The following PCDH11X variants were observed in gnomAD, a reference collection of about 807,000 sequenced individuals.
PCDH11X encodes the protein protocadherin 11 X-linked.
Under a neutral mutation model 53.3 loss-of-function variants are expected in PCDH11X, and 18 were observed. The observed-to-expected ratio is 0.34, with a 90% CI of 0.23 to 0.50. The LOEUF is 0.50. Among genes scored for constraint, PCDH11X ranks in the 20% least tolerant of loss-of-function variants. PCDH11X has a pLI of 0.98. For synonymous variants in PCDH11X, 279 were observed against 393.3 expected (o/e 0.71, Z 3.44); for missense variants, 570 against 1,032.4 (o/e 0.55, Z 6.14).
intron 8 of PCDH11X, among the ~76,000 whole-genome samples, chrX:92,329,968 C>T (rs2069424341): frequency 9.1e-6 from 1 of 110,340 alleles, no homozygotes; most frequent in African/African-American, 3.3e-5. Context: ...TTACAAATAA[C>T]TAAAAGAGTA....
chrX:92,336,129 TAAAA>T (rs1212836490), intron 8 of PCDH11X, among the ~76,000 whole-genome samples: 4 of 111,222 alleles, frequency 3.6e-5, no homozygotes, highest in East Asian at 2.8e-4. Context: ...TAGAAAAAAA[TAAAA>T]AAAGGAAGTT....
intron 6 of PCDH11X, among the ~76,000 whole-genome samples, chrX:91,931,155 TGTGTCGTGTGC>T (rs2147838823): frequency 9.6e-6 from 1 of 103,670 alleles, no homozygotes; most frequent in East Asian, 3.3e-4. Flanking sequence ...TGTGTGTGTG[TGTGTCGTGTGC>T]GTGTGTGTGT....
At chrX:92,331,935 T>C (rs1455110150) in intron 8 of PCDH11X, among the ~76,000 whole-genome samples, 1 of 111,811 alleles carries the variant, frequency 8.9e-6, no homozygotes, top group African/African-American at 3.2e-5. Context: ...TCAATAACCC[T>C]ATTTTCCATC....
chrX:92,065,709 A>G (rs1242476711), intron 6 of PCDH11X, among the ~76,000 whole-genome samples: 7 of 109,697 alleles, frequency 6.4e-5, no homozygotes, highest in Non-Finnish European at 1.3e-4. Context: ...GGATTGTTAG[A>G]TTTTTTTTCC....
chrX:92,147,980 C>CTTTCTTT (rs1569388717), intron 6 of PCDH11X, among the ~76,000 whole-genome samples: 1 of 78,581 alleles, frequency 1.3e-5, no homozygotes, highest in African/African-American at 7.3e-5. Context: ...TTCCTTCCTT[C>CTTTCTTT]CTTCCTTTCT....
At chrX:91,915,646 C>T (rs747894087) in intron 6 of PCDH11X, among the ~76,000 whole-genome samples, 3 of 111,009 alleles carry the variant, frequency 2.7e-5, no homozygotes, top group African/African-American at 6.5e-5. Context: ...ATACCACAAT[C>T]GTATATACGC....
chrX:92,182,750 A>G (rs868665833), intron 6 of PCDH11X, among the ~76,000 whole-genome samples: 8 of 111,606 alleles, frequency 7.2e-5, no homozygotes, highest in South Asian at 7.6e-4. Flanking sequence ...GCTGTCCACC[A>G]TGATTGAGGC....
intron 6 of PCDH11X, among the ~76,000 whole-genome samples, chrX:92,015,872 G>C (rs1376939884): frequency 9.0e-6 from 1 of 111,639 alleles, no homozygotes; most frequent in South Asian, 3.7e-4. Flanking sequence ...ATCTTTTTCA[G>C]AACCATTTCC....
intron 6 of PCDH11X, among the ~76,000 whole-genome samples, chrX:92,034,251 A>G: frequency 9.0e-6 from 1 of 111,676 alleles, no homozygotes; most frequent in East Asian, 2.8e-4. Flanking sequence ...TTCTGTAAAT[A>G]TCTATTAGGT....
At chrX:91,784,515 G>T (rs1264952872) in intron 1 of PCDH11X, among the ~76,000 whole-genome samples, 2 of 111,547 alleles carry the variant, frequency 1.8e-5, no homozygotes, top group East Asian at 5.7e-4. Flanking sequence ...GTCCTGGGGA[G>T]ACCCCCACTC....
intron 8 of PCDH11X, among the ~76,000 whole-genome samples, chrX:92,357,658 T>C (rs1464292055): frequency 9.2e-6 from 1 of 109,136 alleles, no homozygotes; most frequent in African/African-American, 3.3e-5. Flanking sequence ...GATATTGGAC[T>C]TCCCAGACTC....
intron 8 of PCDH11X, among the ~76,000 whole-genome samples, chrX:92,329,007 C>T (rs1472842029): frequency 9.0e-6 from 1 of 110,608 alleles, no homozygotes; most frequent in African/African-American, 3.3e-5. Context: ...CACCAATATC[C>T]TTTATGAATA....
chrX:91,790,571 A>T (rs1935498206), intron 1 of PCDH11X, among the ~76,000 whole-genome samples: 1 of 112,214 alleles, frequency 8.9e-6, no homozygotes. Context: ...CAACAGCAAC[A>T]ACGAAAGACA....
In PCDH11X at chrX:91,970,293, T is replaced by G. The variant is rs779039021; in HGVS notation, c.3033+91020T>G. On this transcript the variant is annotated intron_variant, in intron 6 of 10. Coordinates refer to ENST00000682573, the MANE Select transcript of PCDH11X (RefSeq NM_032968.5). ...GCCACTTCTGGCGAGGGTGGCCTGCTTTTATTCCCTTATTTGGCCCCACCC... is the reference window on the plus strand; with the variant it reads ...GCCACTTCTGGCGAGGGTGGCCTGCGTTTATTCCCTTATTTGGCCCCACCC... Among the ~76,000 whole-genome samples, 303 of 111,551 alleles carry G rather than the reference T, an allele frequency of 2.7e-3. 3 individuals are homozygous for G. The highest frequency in any genetic ancestry group is 9.3e-3 in the African/African-American group (287 of 30,708).
At chrX:92,182,308 C>T (rs5984156) in intron 6 of PCDH11X, among the ~76,000 whole-genome samples, 1 of 111,100 alleles carries the variant, frequency 9.0e-6, no homozygotes, top group Non-Finnish European at 1.9e-5. Context: ...GCCTATACCC[C>T]CATTGTATTT....
At chrX:91,812,979 A>G (rs932608145) in intron 4 of PCDH11X, among the ~76,000 whole-genome samples, 1 of 111,788 alleles carries the variant, frequency 8.9e-6, no homozygotes, top group African/African-American at 3.3e-5. Context: ...GCGGCATTAT[A>G]TATACACCAC....
chrX:91,837,350 G>A (rs1937340124), intron 5 of PCDH11X, among the ~76,000 whole-genome samples: 1 of 111,869 alleles, frequency 8.9e-6, no homozygotes, highest in African/African-American at 3.2e-5. Flanking sequence ...ATGTAAATTA[G>A]TACAACCACT....
chrX:92,076,398 A>G (rs1453393590), intron 6 of PCDH11X, among the ~76,000 whole-genome samples: 2 of 91,417 alleles, frequency 2.2e-5, no homozygotes, highest in Non-Finnish European at 4.0e-5. Flanking sequence ...TTTATCACCC[A>G]GAAAAGGAAG....
chrX:91,932,671 AGTGTGTGTGTGT>A (rs67334455), intron 6 of PCDH11X, among the ~76,000 whole-genome samples: 1 of 94,636 alleles, frequency 1.1e-5, no homozygotes, highest in Non-Finnish European at 2.1e-5. Context: ...GCATTGTGTG[AGTGTGTGTGTGT>A]GTGTGTGTGT....
Sources: gnomAD v4.1 joint callset for allele counts (sites outside exome capture counted in the v4.1 genomes callset) on GRCh38, gnomAD v4.1.1 for gene constraint, MANE v1.5 for transcripts, NCBI Gene and HGNC (gene_info 2026-07-23, HGNC 2026-07-21) for gene names.